The following USH2A variants were observed in gnomAD, a reference collection of about 807,000 sequenced individuals.
The protein encoded by USH2A is Usher syndrome 2A (autosomal recessive, mild).
A neutral mutation model predicts 538.9 loss-of-function variants in USH2A; 443 were observed. That is an observed-to-expected ratio of 0.82 (90% confidence interval 0.76 to 0.89). The LOEUF is 0.89. Among genes scored for constraint, USH2A ranks in the 40% least tolerant of loss-of-function variants. USH2A has a pLI of 0.00. For synonymous variants in USH2A, 2,413 were observed against 2,273.5 expected, an observed-to-expected ratio of 1.06 and a Z score of -1.75; for missense variants, 6,633 against 6,324.8, an observed-to-expected ratio of 1.05 and a Z score of -1.65.
At chr1:216,320,614 T>C (rs938220377) in intron 9 of USH2A, among the ~76,000 whole-genome samples, 11 of 152,200 alleles carry the variant, frequency 7.2e-5, no homozygotes, top group Non-Finnish European at 2.9e-5. Context: ...GTACTAAATA[T>C]TACCAATCTT....
chr1:215,769,211 G>T (rs1040263735), intron 55 of USH2A, among the ~76,000 whole-genome samples: 1 of 152,114 alleles, frequency 6.6e-6, no homozygotes, highest in African/African-American at 2.4e-5. Flanking sequence ...AAAGTAAACA[G>T]ATATTTAAAT....
intron 58 of USH2A, 92 bp from the exon 59 acceptor site, chr1:215,743,427 TAGACACACA>T (rs1660371785): frequency 5.3e-6 from 2 of 377,736 alleles, no homozygotes; most frequent in African/African-American, 2.4e-5. Flanking sequence ...TATATATATA[TAGACACACA>T]TATATATATA....
At chr1:216,266,098 A>T (rs966868707) in intron 11 of USH2A, among the ~76,000 whole-genome samples, 1 of 152,126 alleles carries the variant, frequency 6.6e-6, no homozygotes, top group Non-Finnish European at 1.5e-5. Flanking sequence ...GTGGTAATGG[A>T]TTTGCTAATT....
intron 35 of USH2A, among the ~76,000 whole-genome samples, chr1:215,990,723 G>A (rs1475745928): frequency 6.6e-6 from 1 of 151,122 alleles, no homozygotes; most frequent in Non-Finnish European, 1.5e-5. Flanking sequence ...TACAGGTAAG[G>A]ACAGGGTGAT....
intron 32 of USH2A, among the ~76,000 whole-genome samples, chr1:216,025,735 A>T (rs138168885): frequency 6.6e-6 from 1 of 152,106 alleles, no homozygotes; most frequent in Non-Finnish European, 1.5e-5. Flanking sequence ...AACCATGCTT[A>T]ACTTTATAGC....
At chr1:216,078,615 G>A (rs770093692) in intron 26 of USH2A, among the ~76,000 whole-genome samples, 7 of 152,146 alleles carry the variant, frequency 4.6e-5, no homozygotes, top group South Asian at 2.1e-4. Context: ...GATGTGATGC[G>A]ATGTTATGTA....
intron 19 of USH2A, among the ~76,000 whole-genome samples, chr1:216,193,575 T>C (rs1189565477): frequency 6.6e-6 from 1 of 152,020 alleles, no homozygotes; most frequent in Non-Finnish European, 1.5e-5. Flanking sequence ...TGTAATTAAT[T>C]AGTTGTCATC....
At chr1:216,338,525 C>G (rs1353727915) in intron 4 of USH2A, among the ~76,000 whole-genome samples, 1 of 151,384 alleles carries the variant, frequency 6.6e-6, no homozygotes, top group Non-Finnish European at 1.5e-5. Context: ...AGATATAAAA[C>G]TATCTGAACC....
chr1:216,370,677 CA>C (rs58845914), intron 3 of USH2A, among the ~76,000 whole-genome samples: 300 of 29,948 alleles, frequency 0.01, 2 homozygotes, highest in Middle Eastern at 0.036. Flanking sequence ...GACTCTGTCT[CA>C]AAAAAAAAAA....
chr1:216,306,553 TTG>T (rs1160985560), intron 9 of USH2A, among the ~76,000 whole-genome samples: 1 of 152,200 alleles, frequency 6.6e-6, no homozygotes, highest in Non-Finnish European at 1.5e-5. Context: ...TGGTAAGCTA[TTG>T]TGATCTTTTG....
intron 21 of USH2A, among the ~76,000 whole-genome samples, chr1:216,157,131 C>T (rs1046393055): frequency 6.6e-6 from 1 of 152,120 alleles, no homozygotes; most frequent in African/African-American, 2.4e-5. Flanking sequence ...CTCGGCCTCC[C>T]AAAGTGCTGG....
At chr1:216,342,874 T>G (rs1183518774) in intron 4 of USH2A, among the ~76,000 whole-genome samples, 1 of 151,672 alleles carries the variant, frequency 6.6e-6, no homozygotes, top group Admixed American at 6.6e-5. Flanking sequence ...GGACAAACAG[T>G]TAAGGCATGT....
intron 21 of USH2A, among the ~76,000 whole-genome samples, chr1:216,153,135 C>CTTTTTTGCT (rs2033872962): frequency 6.6e-6 from 1 of 152,132 alleles, no homozygotes; most frequent in Non-Finnish European, 1.5e-5. Flanking sequence ...CAATAAAATC[C>CTTTTTTGCT]CCCACATTTA....
At chr1:216,073,743 G>C (rs1274228928) in intron 27 of USH2A, among the ~76,000 whole-genome samples, 1 of 152,224 alleles carries the variant, frequency 6.6e-6, no homozygotes, top group South Asian at 2.1e-4. Flanking sequence ...TATTCAGTAA[G>C]CTCATTGGGG....
rs776162325 is a variant in USH2A at position 216,362,519 on chromosome 1, T to A, written c.784+2434A>T. On this transcript the variant is annotated intron_variant, in intron 4 of 71. Coordinates refer to ENST00000307340, the MANE Select transcript of USH2A (RefSeq NM_206933.4). ...TAAATTTTCACAACCTTTCTGGAGG[T>A]AGCCCATTGTTATGCATTAGAGCAA... 7.8e-4 allele frequency among the ~76,000 whole-genome samples: 119 copies of A among 152,302 alleles called. No homozygotes were observed. The Middle Eastern group carries it at 0.01, about 13-fold the overall frequency.
rs563953711 is a variant in USH2A, at chr1:215,889,861, G to A, written c.7595-807C>T. 3.3e-5 allele frequency among the ~76,000 whole-genome samples: 5 copies of A among 152,228 alleles called. No homozygotes were observed. The South Asian group carries it at 1.0e-3, about 32-fold the overall frequency. On this transcript the variant is annotated intron_variant, in intron 40 of 71. Transcript: ENST00000307340. ...TTAATTGTAAATAATTTCACCATGC[G>A]ACACAATCAAGTCACCTTGAATGCA...
chr1:215,703,446 G>T (rs1220016484), intron 61 of USH2A, among the ~76,000 whole-genome samples: 1 of 152,210 alleles, frequency 6.6e-6, no homozygotes, highest in Non-Finnish European at 1.5e-5. Flanking sequence ...CTGTCCCAGG[G>T]AGATGGGAGT....
chr1:216,257,410 C>A (rs116526127), intron 11 of USH2A, among the ~76,000 whole-genome samples: 5 of 151,940 alleles, frequency 3.3e-5, no homozygotes, highest in East Asian at 3.9e-4. Flanking sequence ...TACTGTTTTG[C>A]CTTTGTATTT....
chr1:216,226,794 T>C (rs886207264), intron 14 of USH2A, among the ~76,000 whole-genome samples: 4 of 152,186 alleles, frequency 2.6e-5, no homozygotes, highest in African/African-American at 9.6e-5. Context: ...TTACCCTGTC[T>C]TTCTTCCTTG....
Sources: gnomAD v4.1 joint callset for allele counts (sites outside exome capture counted in the v4.1 genomes callset) on GRCh38, gnomAD v4.1.1 for gene constraint, MANE v1.5 for transcripts, NCBI Gene and HGNC (gene_info 2026-07-23, HGNC 2026-07-21) for gene names.